Variants in UNC79 observed in about 807,000 individuals in gnomAD.
UNC79 encodes the protein unc-79 subunit of NALCN channel complex.
UNC79 carries 37 observed loss-of-function variants against 283.1 expected under a neutral mutation model. The ratio of observed to expected loss-of-function variants is 0.13; its 90% CI spans 0.10 to 0.17. The LOEUF (loss-of-function observed/expected upper bound fraction) is 0.17. Among genes scored for constraint, UNC79 ranks in the 10% least tolerant of loss-of-function variants. The pLI is 1.00. For synonymous variants in UNC79, 1,107 were observed against 1,200.2 expected (o/e 0.92, Z 1.61); for missense variants, 2,272 against 3,211.1 (o/e 0.71, Z 7.07).
intron 1 of UNC79, among the ~76,000 whole-genome samples, chr14:93,380,544 C>T (rs889178080): frequency 2.6e-5 from 4 of 152,194 alleles, no homozygotes; most frequent in South Asian, 4.1e-4. Flanking sequence ...TCTATGAGTA[C>T]ACCCTATGCA....
chr14:93,584,264 A>T (rs2064050129), intron 20 of UNC79, among the ~76,000 whole-genome samples: 1 of 152,198 alleles, frequency 6.6e-6, no homozygotes, highest in African/African-American at 2.4e-5. Flanking sequence ...CCTACTATTC[A>T]TTCACAATTT....
intron 2 of UNC79, among the ~76,000 whole-genome samples, chr14:93,470,604 A>T (rs766191678): frequency 8.5e-5 from 13 of 152,164 alleles, no homozygotes; most frequent in Admixed American, 8.5e-4. Context: ...CTTTAGTCCA[A>T]ATTTCATCCA....
intron 7 of UNC79, among the ~76,000 whole-genome samples, chr14:93,507,220 T>C (rs2059590221): frequency 6.6e-6 from 1 of 152,198 alleles, no homozygotes; most frequent in South Asian, 2.1e-4. Context: ...TATACAAGTT[T>C]TTTTGTGGAC....
chr14:93,359,264 AGGGAGATTGGTATG>A (rs1469292658), intron 1 of UNC79, among the ~76,000 whole-genome samples: 1 of 152,228 alleles, frequency 6.6e-6, no homozygotes, highest in Non-Finnish European at 1.5e-5. Flanking sequence ...CCAAAGGCTT[AGGGAGATTGGTATG>A]GTGGAGAGGA....
chr14:93,668,487 G>C (rs2140544868), intron 40 of UNC79, among the ~76,000 whole-genome samples: 1 of 152,206 alleles, frequency 6.6e-6, no homozygotes, highest in African/African-American at 2.4e-5. Context: ...AAGGTGGGAA[G>C]ATCGCTTGAG....
intron 31 of UNC79, chr14:93,634,610 C>G (rs767772629): frequency 6.2e-7 from 1 of 1,614,004 alleles, no homozygotes; most frequent in Non-Finnish European, 8.5e-7. Flanking sequence ...GTCTAGCGCC[C>G]CCCATAACAT....
At chr14:93,364,464 G>A (rs1264571692) in intron 1 of UNC79, among the ~76,000 whole-genome samples, 1 of 150,978 alleles carries the variant, frequency 6.6e-6, no homozygotes, top group Non-Finnish European at 1.5e-5. Context: ...TCAAGAAGGT[G>A]GCACATATGT....
At chr14:93,532,697 T>TTG in intron 11 of UNC79, 119 bp downstream of exon 11, 1 of 1,202,228 alleles carries the variant, frequency 8.3e-7, no homozygotes, top group African/African-American at 1.5e-5. Context: ...GCCATTGTAT[T>TTG]TGTGGAGGGG....
chr14:93,387,922 G>A (rs1470410487), intron 1 of UNC79, among the ~76,000 whole-genome samples: 1 of 152,158 alleles, frequency 6.6e-6, no homozygotes, highest in Non-Finnish European at 1.5e-5. Context: ...ATTATTGGGT[G>A]CATATGTATT....
intron 1 of UNC79, among the ~76,000 whole-genome samples, chr14:93,459,887 G>A (rs2056901349): frequency 3.5e-5 from 1 of 28,942 alleles, no homozygotes. Context: ...AGCCAGGATG[G>A]TCTCAATCTC....
chr14:93,641,720 C>T (rs1471671209), intron 33 of UNC79, among the ~76,000 whole-genome samples: 1 of 152,164 alleles, frequency 6.6e-6, no homozygotes, highest in Non-Finnish European at 1.5e-5. Context: ...GACCAGGAAG[C>T]CTTCTTGGTA....
intron 7 of UNC79, among the ~76,000 whole-genome samples, chr14:93,511,480 G>T (rs931702710): frequency 6.6e-6 from 1 of 151,784 alleles, no homozygotes; most frequent in African/African-American, 2.4e-5. Context: ...ACAGAGTCTC[G>T]CTTTGTCACC....
intron 33 of UNC79, among the ~76,000 whole-genome samples, chr14:93,643,214 A>AT (rs1247566240): frequency 3.3e-5 from 5 of 152,256 alleles, no homozygotes; most frequent in Non-Finnish European, 7.3e-5. Flanking sequence ...CTCAGCAATA[A>AT]TGTCAAATGC....
intron 31 of UNC79, among the ~76,000 whole-genome samples, chr14:93,635,177 A>G (rs146156126): frequency 2.0e-5 from 3 of 152,312 alleles, no homozygotes; most frequent in East Asian, 1.9e-4. Flanking sequence ...ATTTTAAAGT[A>G]AGAATTGACT....
intron 34 of UNC79, among the ~76,000 whole-genome samples, chr14:93,645,091 C>T (rs1566846363): frequency 6.6e-6 from 1 of 152,142 alleles, no homozygotes; most frequent in Non-Finnish European, 1.5e-5. Flanking sequence ...GTCACAATTT[C>T]TACTATCAAT....
At chr14:93,518,105 A>G (rs1348279675) in intron 7 of UNC79, among the ~76,000 whole-genome samples, 2 of 152,102 alleles carry the variant, frequency 1.3e-5, no homozygotes, top group Admixed American at 6.6e-5. Flanking sequence ...ACAGAGTAAT[A>G]CTGACCTCAT....
rs564494095 is a variant in UNC79, at chr14:93,531,171, C to T, written c.1094-1379C>T. Among the ~76,000 whole-genome samples the T allele has an allele frequency of 9.8e-5, 15 of 152,286 alleles. 1 individual carries two copies. In the South Asian group the frequency reaches 3.1e-3, roughly 32 times the overall value. The stretch of plus-strand genomic sequence containing the variant: ...GAATATTGGCAATAACTTTTCATTA[C>T]TTATACAGACATGTGACACTAACCT... On this transcript the variant is annotated intron_variant, in intron 10 of 48. Transcript: ENST00000555664. This position sits in a 1 kb window ranked among gnomAD's most constrained non-coding sequence, Gnocchi z 4.2.
chr14:93,630,179 A>G (rs1357362461), intron 30 of UNC79, among the ~76,000 whole-genome samples: 2 of 152,258 alleles, frequency 1.3e-5, no homozygotes, highest in Non-Finnish European at 2.9e-5. Flanking sequence ...GGTTGAGTAC[A>G]GTCCATGCTC....
chr14:93,505,615 A>T (rs2059494232), intron 7 of UNC79, among the ~76,000 whole-genome samples: 1 of 151,982 alleles, frequency 6.6e-6, no homozygotes, highest in Non-Finnish European at 1.5e-5. Flanking sequence ...TTACCTTTTA[A>T]TTGGAGCATT....
Sources: allele counts gnomAD v4.1 joint callset (sites outside exome capture counted in the v4.1 genomes callset), GRCh38; gene constraint gnomAD v4.1.1; non-coding constraint Gnocchi (gnomAD v3.1); transcripts MANE v1.5; gene names NCBI Gene and HGNC (gene_info 2026-07-23, HGNC 2026-07-21).